Variants in LAPTM5 observed in about 807,000 individuals in gnomAD.
The protein encoded by LAPTM5 is lysosomal protein transmembrane 5.
Under a neutral mutation model 30.1 loss-of-function variants are expected in LAPTM5, and 11 were observed. The ratio of observed to expected loss-of-function variants is 0.37; its 90% confidence interval spans 0.23 to 0.60. The LOEUF (loss-of-function observed/expected upper bound fraction) is 0.60, where lower values mean the gene tolerates loss of function less well. LAPTM5 is among the 20% of genes least tolerant of loss of function. The pLI is 0.71. For missense variants in LAPTM5, 324 were observed against 332.5 expected (o/e 0.97, Z 0.20); for synonymous variants, 151 against 137.9 (o/e 1.10, Z -0.67).
chr1:30,740,341 G>C (rs994438787), intron 3 of LAPTM5, among the ~76,000 whole-genome samples: 2 of 152,144 alleles, frequency 1.3e-5, no homozygotes, highest in South Asian at 4.2e-4. Context: ...GGGAGGGGCG[G>C]GGCACTGGAG....
chr1:30,741,498 G>A (rs1217274785), intron 3 of LAPTM5, 142 bp downstream of exon 3: 4 of 469,624 alleles, frequency 8.5e-6, no homozygotes, highest in South Asian at 6.2e-5. Flanking sequence ...TTCTCCAAAA[G>A]GTATGTGTGA....
chr1:30,755,688 T>C (rs935305613), intron 1 of LAPTM5, among the ~76,000 whole-genome samples: 1 of 152,164 alleles, frequency 6.6e-6, no homozygotes, highest in African/African-American at 2.4e-5. Flanking sequence ...AGCCCCACAG[T>C]CCCGGGTTTG....
chr1:30,752,671 C>T (rs950270481), intron 1 of LAPTM5, among the ~76,000 whole-genome samples: 2 of 152,244 alleles, frequency 1.3e-5, no homozygotes, highest in African/African-American at 4.8e-5. Flanking sequence ...GTCGGTTTTT[C>T]CTTGGCAGAC....
chr1:30,742,152 G>A (rs1639980174), intron 2 of LAPTM5: 1 of 465,846 alleles, frequency 2.1e-6, no homozygotes, highest in African/African-American at 2.0e-5. Context: ...TTTTATTCTA[G>A]TGTGATGAGC....
chr1:30,741,857 T>C, intron 2 of LAPTM5, 141 bp from the exon 3 acceptor site: 1 of 566,920 alleles, frequency 1.8e-6, no homozygotes, highest in South Asian at 2.1e-5. Flanking sequence ...CTTGCAGTCC[T>C]GAGTCTGGAG....
chr1:30,735,246 A>G lies in LAPTM5; in HGVS notation c.626T>C (p.Val209Ala), dbSNP rs1639869510. 1.9e-6 allele frequency: 3 copies of G among 1,614,020 alleles called. No homozygotes were observed. The change falls in exon 7 of 8, where the codon GTG becomes GCG. Residue 209 changes from valine (V) to alanine (A), a missense_variant. By Grantham distance (64) the Val-to-Ala change is moderately conservative (BLOSUM62 0). Transcript: ENST00000294507. The stretch of plus-strand genomic sequence containing the variant: ...CTTGATCAATCTGTAGCACCGCCAC[A>G]CGCACTTGAACATGTAGACCTGGAA... ...LIFKVYMFKCVWRCYRLIKCM... is the reference protein window; with the variant it reads ...LIFKVYMFKCAWRCYRLIKCM...
rs1342583320 is a variant in LAPTM5 at position 30,735,247 on chromosome 1, C to T, written c.625G>A (p.Val209Met). 4.3e-6 allele frequency: 7 copies of T among 1,613,902 alleles called. No homozygotes were observed. Among genetic ancestry groups the T allele is most frequent in the East Asian group, 4.5e-5 (2 of 44,894 alleles). Reference sequence around the variant, plus strand: ...TTGATCAATCTGTAGCACCGCCACACGCACTTGAACATGTAGACCTGGAAA... The same window carrying T: ...TTGATCAATCTGTAGCACCGCCACATGCACTTGAACATGTAGACCTGGAAA... ...LIFKVYMFKC[V>M]WRCYRLIKCM... is the part of the protein sequence containing the mutation. The change falls in exon 7 of 8, where the codon GTG becomes ATG. Residue 209 changes from valine to methionine, a missense_variant. Val to Met is a conservative substitution (Grantham distance 21). Coordinates refer to ENST00000294507, the MANE Select transcript of LAPTM5 (RefSeq NM_006762.3).
intron 1 of LAPTM5, among the ~76,000 whole-genome samples, chr1:30,743,560 G>A (rs1457344947): frequency 2.6e-5 from 4 of 152,166 alleles, no homozygotes; most frequent in East Asian, 3.9e-4. Context: ...GTGTGTCCAT[G>A]TCCTCACAGC....
intron 1 of LAPTM5, among the ~76,000 whole-genome samples, chr1:30,751,682 T>C (rs1459122302): frequency 6.6e-6 from 1 of 152,046 alleles, no homozygotes; most frequent in South Asian, 2.1e-4. Context: ...GAGGTTGCAG[T>C]GAGCCAGGAT....
At chr1:30,742,008 A>T in intron 2 of LAPTM5, 1 of 365,682 alleles carries the variant, frequency 2.7e-6, no homozygotes, top group Non-Finnish European at 5.1e-6. Flanking sequence ...CCTGAGAGCA[A>T]TGAGGAATCG....
At chr1:30,747,819 C>G (rs555963874) in intron 1 of LAPTM5, among the ~76,000 whole-genome samples, 9 of 152,210 alleles carry the variant, frequency 5.9e-5, no homozygotes, top group Admixed American at 2.6e-4. Flanking sequence ...CTGGGAGGCA[C>G]TGGCCATGGT....
At chr1:30,747,783 G>A (rs1044992544) in intron 1 of LAPTM5, among the ~76,000 whole-genome samples, 4 of 152,262 alleles carry the variant, frequency 2.6e-5, no homozygotes, top group East Asian at 3.9e-4. Context: ...GAGGGGATGC[G>A]GTGAAAACAG....
Position 30,757,755 on chromosome 1 carries a change from G to T in LAPTM5, c.-10C>A, listed in dbSNP as rs758325705. ...ACAAGCGGGGGTCCATGGTGCTGCC[G>T]TCCCCTCCTCTGAGACACTGAAGGG... On this transcript the variant is annotated 5_prime_UTR_variant, in exon 1 of 8. Coordinates refer to ENST00000294507, the MANE Select transcript of LAPTM5 (RefSeq NM_006762.3). 1.2e-6 allele frequency: 2 copies of T among 1,612,016 alleles called. No individual in the cohort carries two copies. The highest frequency in any genetic ancestry group is 1.3e-5 in the African/African-American group (1 of 74,918).
At chr1:30,747,136 A>C in intron 1 of LAPTM5, among the ~76,000 whole-genome samples, 1 of 152,150 alleles carries the variant, frequency 6.6e-6, no homozygotes, top group East Asian at 1.9e-4. Context: ...CTTAGGGAGA[A>C]TTTCACCAAC....
intron 1 of LAPTM5, among the ~76,000 whole-genome samples, chr1:30,750,309 CA>C (rs1354575907): frequency 1.3e-5 from 2 of 152,166 alleles, no homozygotes; most frequent in Non-Finnish European, 2.9e-5. Flanking sequence ...ATCTTCAGAG[CA>C]AAGACCCACA....
chr1:30,740,495 G>A (rs536306838), intron 3 of LAPTM5, among the ~76,000 whole-genome samples: 23 of 149,432 alleles, frequency 1.5e-4, no homozygotes, highest in African/African-American at 5.4e-4. Context: ...AAGAGGCCCT[G>A]CCAGGAAGAG....
At chr1:30,756,657 A>G (rs1169777435) in intron 1 of LAPTM5, among the ~76,000 whole-genome samples, 2 of 152,216 alleles carry the variant, frequency 1.3e-5, no homozygotes, top group Non-Finnish European at 2.9e-5. Context: ...CTCTTGCCAC[A>G]GCTCTGCCTG....
intron 1 of LAPTM5, among the ~76,000 whole-genome samples, chr1:30,743,257 G>T (rs931762453): frequency 6.6e-5 from 10 of 152,234 alleles, no homozygotes; most frequent in Non-Finnish European, 1.5e-4. Flanking sequence ...GGCAGGGAAA[G>T]CCTGTATGTC....
chr1:30,739,528 CA>C lies in LAPTM5; in HGVS notation c.387+280del, dbSNP rs1639937590. On this transcript the variant is annotated intron_variant, in intron 4 of 7. Coordinates refer to ENST00000294507, the MANE Select transcript of LAPTM5 (RefSeq NM_006762.3). This position sits in a 1 kb window ranked among gnomAD's most constrained non-coding sequence, Gnocchi z 4.2. The stretch of plus-strand genomic sequence containing the variant: ...TCCTCAGGTGTCAATTCACTCCCAG[CA>C]GCACTGACTGAGTGCTGACCATGGG... 6.6e-6 allele frequency among the ~76,000 whole-genome samples: 1 copy of C among 152,188 alleles called. No individual in the cohort carries two copies.
Sources: allele counts gnomAD v4.1 joint callset (sites outside exome capture counted in the v4.1 genomes callset), GRCh38; gene constraint gnomAD v4.1.1; non-coding constraint Gnocchi (gnomAD v3.1); transcripts MANE v1.5; gene names NCBI Gene and HGNC (gene_info 2026-07-23, HGNC 2026-07-21).